Variants in GALK2 observed in about 807,000 individuals in gnomAD.
GALK2 encodes the protein N-acetylgalactosamine kinase.
Under a neutral mutation model 52.4 loss-of-function variants are expected in GALK2, and 36 were observed. The ratio of observed to expected loss-of-function variants is 0.69; its 90% CI spans 0.53 to 0.91. GALK2 has a LOEUF of 0.91. GALK2 is among the 40% of genes least tolerant of loss of function. The pLI, the probability that GALK2 is intolerant of heterozygous loss-of-function variation, is 0.00. For synonymous variants in GALK2, 176 were observed against 199.1 expected, an observed-to-expected ratio of 0.88 and a Z score of 0.98; for missense variants, 579 against 559.1, an observed-to-expected ratio of 1.04 and a Z score of -0.36.
At chr15:49,216,787 C>T (rs2089414670) in intron 2 of GALK2, among the ~76,000 whole-genome samples, 1 of 152,166 alleles carries the variant, frequency 6.6e-6, no homozygotes, top group Non-Finnish European at 1.5e-5. Flanking sequence ...AACATGGCTG[C>T]ACTAAGTTCC....
upstream of GALK2, among the ~76,000 whole-genome samples, chr15:49,168,516 C>G (rs542684181): frequency 6.6e-6 from 1 of 152,054 alleles, no homozygotes; most frequent in Non-Finnish European, 1.5e-5. Flanking sequence ...GTCAGGAGCT[C>G]GAGACCAGCC....
At chr15:49,239,163 T>A in intron 4 of GALK2, 58 bp from the exon 5 acceptor site, 1 of 1,490,344 alleles carries the variant, frequency 6.7e-7, no homozygotes, top group South Asian at 1.1e-5. Context: ...AAAGAAGCTT[T>A]CACTACTCCT....
intron 1 of GALK2, chr15:49,199,055 G>C (rs2087501030): frequency 6.6e-6 from 1 of 152,388 alleles, no homozygotes. Context: ...GGCCCCCACA[G>C]GTCACCTTAT....
upstream of GALK2, among the ~76,000 whole-genome samples, chr15:49,167,209 G>A (rs1566895719): frequency 2.0e-5 from 3 of 152,188 alleles, no homozygotes; most frequent in South Asian, 6.2e-4. Flanking sequence ...TTAGGTTTCT[G>A]TTTAAGACTC....
intron 8 of GALK2, among the ~76,000 whole-genome samples, chr15:49,295,337 A>C (rs112462582): frequency 7.4e-4 from 111 of 149,516 alleles, no homozygotes; most frequent in East Asian, 1.4e-3. Flanking sequence ...CTCTATCTAT[A>C]TATATATATA....
chr15:49,340,358 G>A (rs1390834520), intron 3 of GALK2, among the ~76,000 whole-genome samples: 1 of 151,882 alleles, frequency 6.6e-6, no homozygotes, highest in African/African-American at 2.4e-5. Context: ...GGGTGGGAGA[G>A]GGAGTTCCCC....
intron 5 of GALK2, among the ~76,000 whole-genome samples, chr15:49,258,825 TGTGTGAGAGAGA>T (rs1251917746): frequency 1.7e-5 from 2 of 121,050 alleles, no homozygotes; most frequent in African/African-American, 6.3e-5. Flanking sequence ...TGTGTGTGTG[TGTGTGAGAGAGA>T]GAGAGAGAGA....
At chr15:49,201,346 A>G (rs1027737843) in intron 2 of GALK2, 96 bp downstream of exon 2, 5 of 664,636 alleles carry the variant, frequency 7.5e-6, no homozygotes, top group Admixed American at 2.9e-5. Flanking sequence ...TTCCCAAAAT[A>G]GAATATTTCA....
At chr15:49,293,094 TATTTGTGACAA>T (rs1287034373) in intron 8 of GALK2, among the ~76,000 whole-genome samples, 3 of 152,208 alleles carry the variant, frequency 2.0e-5, no homozygotes, top group African/African-American at 7.2e-5. Context: ...AGAGGTTATC[TATTTGTGACAA>T]ATCAGTACTG....
intron 3 of GALK2, among the ~76,000 whole-genome samples, chr15:49,340,299 C>T (rs930394255): frequency 5.9e-5 from 9 of 152,178 alleles, no homozygotes; most frequent in Admixed American, 1.3e-4. Flanking sequence ...ATGGGAAAAG[C>T]GCAGTATCTG....
At chr15:49,291,023 T>C (rs2033882423) in intron 7 of GALK2, among the ~76,000 whole-genome samples, 1 of 152,156 alleles carries the variant, frequency 6.6e-6, no homozygotes, top group Admixed American at 6.6e-5. Context: ...TGGCATGACT[T>C]CCGCTCACTG....
intron 8 of GALK2, among the ~76,000 whole-genome samples, chr15:49,293,610 G>A (rs2034157519): frequency 6.6e-6 from 1 of 152,164 alleles, no homozygotes; most frequent in Admixed American, 6.5e-5. Flanking sequence ...AATGTTTGCT[G>A]GCTCTCGTTC....
At chr15:49,336,600 C>G (rs1265094068), downstream of GALK2, among the ~76,000 whole-genome samples, 2 of 152,190 alleles carry the variant, frequency 1.3e-5, no homozygotes, top group Admixed American at 1.3e-4. Flanking sequence ...TTTTCCATTT[C>G]AAGGCTGTTC....
At chr15:49,174,577 C>A (rs1288263999) in intron 1 of GALK2, among the ~76,000 whole-genome samples, 3 of 152,158 alleles carry the variant, frequency 2.0e-5, no homozygotes, top group Non-Finnish European at 4.4e-5. Context: ...AACTCCTGAC[C>A]TCGTGATCTG....
intron 2 of GALK2, among the ~76,000 whole-genome samples, chr15:49,201,963 TATC>T (rs1269198539): frequency 1.3e-5 from 2 of 152,202 alleles, no homozygotes; most frequent in Admixed American, 1.3e-4. Context: ...AGAAGTTCAA[TATC>T]ATGGTACTCA....
At chr15:49,319,936 T>C (rs181591982) in intron 9 of GALK2, 131 bp downstream of exon 9, 126 of 752,582 alleles carry the variant, frequency 1.7e-4, no homozygotes, top group Non-Finnish European at 2.5e-4. Context: ...GAGTCTCTGA[T>C]GATACAGAGC....
At chr15:49,318,578 C>G (rs1462439807) in intron 8 of GALK2, among the ~76,000 whole-genome samples, 2 of 151,800 alleles carry the variant, frequency 1.3e-5, no homozygotes, top group Non-Finnish European at 2.9e-5. Flanking sequence ...TTTAAAAGTC[C>G]TCTGTTATTA....
intron 1 of GALK2, among the ~76,000 whole-genome samples, chr15:49,192,355 A>G (rs2086786220): frequency 6.6e-6 from 1 of 151,490 alleles, no homozygotes; most frequent in South Asian, 2.1e-4. Flanking sequence ...ATTCTTTTAA[A>G]CAGTTTCATT....
At chr15:49,293,844 A>G (rs2034179685) in intron 8 of GALK2, among the ~76,000 whole-genome samples, 1 of 152,084 alleles carries the variant, frequency 6.6e-6, no homozygotes, top group African/African-American at 2.4e-5. Context: ...TCATGCCTGT[A>G]ATTCCAGCAC....
Sources: allele counts gnomAD v4.1 joint callset (sites outside exome capture counted in the v4.1 genomes callset), GRCh38; gene constraint gnomAD v4.1.1; transcripts MANE v1.5; gene names NCBI Gene and HGNC (gene_info 2026-07-23, HGNC 2026-07-21).